The following RALGAPA1 variants were observed in gnomAD, a reference collection of about 807,000 sequenced individuals.
The protein encoded by RALGAPA1 is Ral GTPase activating protein catalytic subunit alpha 1, also known as ral GTPase-activating protein subunit alpha-1.
In RALGAPA1, 52 loss-of-function variants were observed where a neutral mutation model predicts 269.6. The observed-to-expected ratio is 0.19, with a 90% CI of 0.15 to 0.24. The LOEUF is 0.24. Ranked by LOEUF, RALGAPA1 falls within the 10% of genes least tolerant of loss-of-function variation. The probability of loss-of-function intolerance (pLI) is 1.00; values close to 1 mark genes in which losing one functional copy is unlikely to be tolerated. For missense variants in RALGAPA1, 1,917 were observed against 3,013.9 expected (o/e 0.64, Z 8.52); for synonymous variants, 817 against 1,008.3 (o/e 0.81, Z 3.60).
In RALGAPA1 at chr14:35,622,373, G is replaced by A. The variant is rs117871292; in HGVS notation, c.6929+2988C>T. Among the ~76,000 whole-genome samples, 872 of 152,272 alleles carry A rather than the reference G, an allele frequency of 5.7e-3. 5 individuals carry two copies. Among genetic ancestry groups the A allele is most frequent in the Admixed American group, 0.013 (206 of 15,296 alleles). ...ACATTGGGGCCTGTTGGGGGATTGGGGGCTGGGGTAGGGATAGAATTAGGA... is the reference window on the plus strand; with the variant it reads ...ACATTGGGGCCTGTTGGGGGATTGGAGGCTGGGGTAGGGATAGAATTAGGA... On this transcript the variant is annotated intron_variant, in intron 35 of 41. Coordinates refer to ENST00000680220, the MANE Select transcript of RALGAPA1 (RefSeq NM_001346249.2).
In RALGAPA1 at chr14:35,595,769, A is replaced by G. The variant is rs1280909166; in HGVS notation, c.7074T>C (p.Cys2358=). The G allele has an allele frequency of 1.9e-6, 3 of 1,612,386 alleles. No individual in the cohort carries two copies. The highest frequency in any genetic ancestry group is 1.7e-5 in the Admixed American group (1 of 59,886). The change falls in exon 37 of 42, where the codon TGT becomes TGC. Residue 2358 remains cysteine (C), a synonymous_variant. Transcript: ENST00000680220. The part of the protein sequence containing the change: ...LGWEVNLTNH[C]GFMGGLQKNK... ...TTTTTTGTAGTCCTCCCATAAAACC[A>G]CAATGGTTTGTAAGATTTACCTAGA...
At position 35,538,393 on chromosome 14, in the gene RALGAPA1, TA is replaced by T. The variant is rs2053697574; in HGVS notation, c.*1320del. The T allele has an allele frequency of 6.6e-6, 1 of 152,570 alleles. No individual in the cohort carries two copies. The highest frequency in any genetic ancestry group is 1.5e-5 in the Non-Finnish European group (1 of 68,040). The allele number at this position is 152,570 out of a possible 1,614,324, so 9.5% of individuals were successfully genotyped here. On this transcript the variant is annotated 3_prime_UTR_variant, in exon 42 of 42. Coordinates refer to ENST00000680220, the MANE Select transcript of RALGAPA1 (RefSeq NM_001346249.2). ...AGAATATTTTTATTGTATTATTAAA[TA>T]CCATGTCATCTTTCCCCCCCACTGT...
chr14:35,615,171 T>C (rs2060175289), intron 35 of RALGAPA1, among the ~76,000 whole-genome samples: 1 of 152,186 alleles, frequency 6.6e-6, no homozygotes, highest in Non-Finnish European at 1.5e-5. Flanking sequence ...TATAAGAATA[T>C]GTATAGTACT....
intron 1 of RALGAPA1, among the ~76,000 whole-genome samples, chr14:35,790,413 C>A (rs762771654): frequency 6.6e-6 from 1 of 151,434 alleles, no homozygotes; most frequent in Non-Finnish European, 1.5e-5. Context: ...ACAGGCCAAG[C>A]GCGGTAGCTC....
intron 1 of RALGAPA1, among the ~76,000 whole-genome samples, chr14:35,802,369 T>C (rs2077040956): frequency 1.3e-5 from 2 of 152,164 alleles, no homozygotes; most frequent in African/African-American, 4.8e-5. Context: ...ATAAGCTCAC[T>C]ATACATAAAT....
At chr14:35,714,213 T>C (rs2068610693) in intron 16 of RALGAPA1, among the ~76,000 whole-genome samples, 1 of 152,110 alleles carries the variant, frequency 6.6e-6, no homozygotes, top group Non-Finnish European at 1.5e-5. Context: ...TTCGAGAGTG[T>C]TTTTCAAAGT....
At chr14:35,630,353 T>C (rs2061281925) in intron 33 of RALGAPA1, among the ~76,000 whole-genome samples, 2 of 152,086 alleles carry the variant, frequency 1.3e-5, no homozygotes, top group East Asian at 1.9e-4. Context: ...AGTGGCACGA[T>C]CTTGGCTCAC....
rs139393398 is a variant in RALGAPA1 at position 35,547,549 on chromosome 14, T to C, written c.*23+959A>G. The stretch of plus-strand genomic sequence containing the variant: ...TTGACTATAGGATACACAAGTGTTA[T>C]TCATATCTCTTTTAATATAATCTGA... On this transcript the variant is annotated intron_variant, in intron 41 of 41. Transcript: ENST00000680220. Among the ~76,000 whole-genome samples the C allele has an allele frequency of 2.4e-3, 361 of 152,304 alleles. 4 individuals carry two copies. The highest frequency in any genetic ancestry group is 8.4e-3 in the African/African-American group (348 of 41,592).
intron 35 of RALGAPA1, among the ~76,000 whole-genome samples, chr14:35,606,974 AT>A (rs771087315): frequency 1.3e-5 from 2 of 152,340 alleles, no homozygotes; most frequent in South Asian, 4.1e-4. Flanking sequence ...CGTCAGATGT[AT>A]CAGTAGGATA....
intron 33 of RALGAPA1, among the ~76,000 whole-genome samples, chr14:35,630,768 G>T (rs998949556): frequency 6.6e-6 from 1 of 152,252 alleles, no homozygotes; most frequent in Non-Finnish European, 1.5e-5. Context: ...TGCCTCAGGA[G>T]GCTGAGGCAG....
chr14:35,601,028 A>G (rs183539604), intron 36 of RALGAPA1, among the ~76,000 whole-genome samples: 53 of 152,322 alleles, frequency 3.5e-4, no homozygotes, highest in African/African-American at 1.3e-3. Context: ...AGGTAAAATT[A>G]TATGTTCCCT....
chr14:35,576,769 G>A (rs962991377), intron 37 of RALGAPA1, among the ~76,000 whole-genome samples: 4 of 152,102 alleles, frequency 2.6e-5, no homozygotes, highest in East Asian at 3.8e-4. Flanking sequence ...GAAGTAACTC[G>A]CCTAAGGTCA....
At chr14:35,710,905 T>C (rs913029566) in intron 16 of RALGAPA1, among the ~76,000 whole-genome samples, 1 of 152,244 alleles carries the variant, frequency 6.6e-6, no homozygotes. Context: ...CCATACAGCC[T>C]AGGTATGTAG....
At chr14:35,663,390 C>A (rs940626441) in intron 27 of RALGAPA1, among the ~76,000 whole-genome samples, 5 of 151,230 alleles carry the variant, frequency 3.3e-5, no homozygotes, top group Non-Finnish European at 1.5e-5. Context: ...ATAAACTGGA[C>A]TTTTTAAAAC....
intron 35 of RALGAPA1, among the ~76,000 whole-genome samples, chr14:35,624,208 TA>T (rs780017500): frequency 3.3e-3 from 285 of 87,106 alleles, no homozygotes; most frequent in African/African-American, 8.4e-3. Context: ...TCCAGTTCCG[TA>T]AAAAAAAAAA....
At chr14:35,686,026 T>TA (rs2065896154) in intron 19 of RALGAPA1, among the ~76,000 whole-genome samples, 1 of 152,156 alleles carries the variant, frequency 6.6e-6, no homozygotes, top group African/African-American at 2.4e-5. Context: ...CTTCCAAAGT[T>TA]ATCTAAAATG....
intron 28 of RALGAPA1, among the ~76,000 whole-genome samples, chr14:35,658,009 A>G (rs938994569): frequency 3.9e-5 from 6 of 152,190 alleles, no homozygotes; most frequent in African/African-American, 1.4e-4. Context: ...TAGCTTGCCT[A>G]CATCCCCCGT....
chr14:35,805,051 G>T (rs1043976615), intron 1 of RALGAPA1, among the ~76,000 whole-genome samples: 3 of 152,130 alleles, frequency 2.0e-5, no homozygotes, highest in African/African-American at 7.2e-5. Context: ...ACTTTGGGAG[G>T]CTGAGGCAGG....
At chr14:35,711,600 A>C (rs549331794) in intron 16 of RALGAPA1, among the ~76,000 whole-genome samples, 37 of 152,214 alleles carry the variant, frequency 2.4e-4, no homozygotes, top group African/African-American at 7.7e-4. Context: ...GATGTGAGCC[A>C]CCACACCTGA....
Sources: allele counts gnomAD v4.1 joint callset (sites outside exome capture counted in the v4.1 genomes callset), GRCh38; gene constraint gnomAD v4.1.1; transcripts MANE v1.5; gene names NCBI Gene and HGNC (gene_info 2026-07-23, HGNC 2026-07-21).